KAT14: variants seen among roughly 807,000 people sequenced by gnomAD.
KAT14 encodes the protein lysine acetyltransferase 14.
A neutral mutation model predicts 78.4 loss-of-function variants in KAT14; 66 were observed. The observed-to-expected ratio is 0.84, with a 90% CI of 0.69 to 1.03. The LOEUF (loss-of-function observed/expected upper bound fraction) is 1.03, where lower values mean the gene tolerates loss of function less well. Among genes scored for constraint, KAT14 ranks in the 50% least tolerant of loss-of-function variants. The probability of loss-of-function intolerance (pLI) is 0.00; values close to 1 mark genes in which losing one functional copy is unlikely to be tolerated. For synonymous variants in KAT14, 344 were observed against 359.4 expected, an observed-to-expected ratio of 0.96 and a Z score of 0.48; for missense variants, 870 against 972.5, an observed-to-expected ratio of 0.89 and a Z score of 1.40.
intron 4 of KAT14, among the ~76,000 whole-genome samples, chr20:18,155,162 G>A (rs1026360878): frequency 1.3e-5 from 2 of 152,062 alleles, no homozygotes; most frequent in Non-Finnish European, 1.5e-5. Flanking sequence ...GAGATTATAG[G>A]CGTGAACCAC....
Position 18,137,902 on chromosome 20 carries a change from G to C in KAT14, c.-603G>C, listed in dbSNP as rs911345821. The C allele has an allele frequency of 6.9e-7, 1 of 1,444,636 alleles. No individual in the cohort carries two copies. The highest frequency in any genetic ancestry group is 1.4e-5 in the South Asian group (1 of 74,040). 89.5% of individuals were successfully genotyped at this position (1,444,636 alleles called of 1,614,324 possible). ...CAGGCGGCGGTGCGCACTCTGCGGC[G>C]GCCTCTGCGCCTCGGGCGGGCGGGA... On this transcript the variant is annotated 5_prime_UTR_variant, in exon 1 of 11. Coordinates refer to ENST00000688188, the MANE Select transcript of KAT14 (RefSeq NM_001392073.1).
intron 7 of KAT14, among the ~76,000 whole-genome samples, chr20:18,164,416 T>A (rs1409932469): frequency 6.6e-6 from 1 of 152,084 alleles, no homozygotes; most frequent in East Asian, 1.9e-4. Flanking sequence ...TTTAACCTCT[T>A]AAAGAGCCTC....
chr20:18,148,066 G>A (rs1334875202), intron 3 of KAT14, among the ~76,000 whole-genome samples: 2 of 152,152 alleles, frequency 1.3e-5, no homozygotes, highest in African/African-American at 4.8e-5. Flanking sequence ...ATCTCTCACT[G>A]AAGACCTGAA....
chr20:18,179,175 C>T (rs980778655), intron 7 of KAT14, among the ~76,000 whole-genome samples: 3 of 152,228 alleles, frequency 2.0e-5, no homozygotes, highest in Non-Finnish European at 4.4e-5. Context: ...GGTATAGCCC[C>T]CCTCCTGGCT....
rs200127310 is a variant in KAT14 at position 18,187,245 on chromosome 20, C to T, written c.2173-41C>T. ...CTTTACCTACTCATTTTCCCTCAGG[C>T]CTTTCCATTTTTATCTTGTATTTTT... On this transcript the variant is annotated intron_variant, in intron 10 of 10. Transcript: ENST00000688188. The T allele has an allele frequency of 1.2e-5, 19 of 1,561,722 alleles. No homozygotes were observed. In the East Asian group the frequency reaches 3.9e-4, roughly 32 times the overall value.
In KAT14 at chr20:18,184,744, A is replaced by C; in HGVS notation, c.2124A>C (p.Glu708Asp). ...TTTCATTTCTGTTCGTCCACCCTGA[A>C]TGGAGAAGAGCAGGGATTGCAACTT... ...AYISFLFVHP[E>D]WRRAGIATFM... The change falls in exon 10 of 11, where the codon GAA becomes GAC. Residue 708 changes from glutamate to aspartate, a missense_variant. Physicochemically the swap from Glu to Asp is conservative, Grantham distance 45. Coordinates refer to ENST00000688188, the MANE Select transcript of KAT14 (RefSeq NM_001392073.1). The C allele has an allele frequency of 1.2e-6, 2 of 1,613,124 alleles. No homozygotes were observed. The highest frequency in any genetic ancestry group is 2.2e-5 in the South Asian group (2 of 90,886).
intron 6 of KAT14, 25 bp downstream of exon 6, chr20:18,162,264 T>A (rs1235386920): frequency 1.2e-6 from 2 of 1,613,218 alleles, no homozygotes; most frequent in Middle Eastern, 1.7e-4. Context: ...GCTTTGCTCT[T>A]TTATTTTGGG....
At position 18,161,983 on chromosome 20, in the gene KAT14, T is replaced by C; in HGVS notation, c.843T>C (p.Leu281=). ...CCCAGAAGGAGGCCGCTGGCTTTCT[T>C]GACAGGAGCACATCTTCTACCCCTG... ...RRAQKEAAGF[L]DRSTSSTPVK... Residue 281 remains leucine (L), a synonymous_variant, in exon 6 of 11, where the codon CTT becomes CTC. Transcript: ENST00000688188. The C allele has an allele frequency of 6.2e-7, 1 of 1,614,264 alleles. No individual in the cohort carries two copies. The highest frequency in any genetic ancestry group is 2.2e-5 in the East Asian group (1 of 44,890).
At chr20:18,158,725 C>G (rs1310948861) in intron 4 of KAT14, among the ~76,000 whole-genome samples, 1 of 152,342 alleles carries the variant, frequency 6.6e-6, no homozygotes, top group Non-Finnish European at 1.5e-5. Context: ...GCTTAATTCA[C>G]ATAACAAAGC....
At chr20:18,152,122 A>G (rs1037848302) in intron 4 of KAT14, among the ~76,000 whole-genome samples, 9 of 152,178 alleles carry the variant, frequency 5.9e-5, no homozygotes, top group African/African-American at 1.9e-4. Context: ...GGATAAGTCA[A>G]TATTTCACTT....
At chr20:18,147,185 A>C (rs1056991376) in intron 3 of KAT14, among the ~76,000 whole-genome samples, 14 of 152,260 alleles carry the variant, frequency 9.2e-5, no homozygotes, top group Admixed American at 2.0e-4. Context: ...GTGCTTTATT[A>C]GGACAGCTGA....
chr20:18,180,806 T>A (rs1458855491), intron 7 of KAT14, among the ~76,000 whole-genome samples: 1 of 151,822 alleles, frequency 6.6e-6, no homozygotes, highest in African/African-American at 2.4e-5. Context: ...ACGAGAACAG[T>A]ATGGTGGAAA....
chr20:18,183,543 AT>A, intron 9 of KAT14: 1 of 984,922 alleles, frequency 1.0e-6, no homozygotes, highest in Non-Finnish European at 1.2e-6. Flanking sequence ...AGAGTAAAAG[AT>A]TCATCCTGTT....
At chr20:18,173,273 C>T (rs1334268978) in intron 7 of KAT14, among the ~76,000 whole-genome samples, 1 of 152,216 alleles carries the variant, frequency 6.6e-6, no homozygotes, top group Non-Finnish European at 1.5e-5. Flanking sequence ...ATTGAGCCTT[C>T]AGCAATTTTC....
At chr20:18,141,702 G>C (rs965084986) in intron 1 of KAT14, among the ~76,000 whole-genome samples, 3 of 152,214 alleles carry the variant, frequency 2.0e-5, no homozygotes, top group African/African-American at 7.2e-5. Context: ...TGGCTGACGT[G>C]GTGAAACCCC....
chr20:18,149,322 T>C (rs2037953174), intron 3 of KAT14, among the ~76,000 whole-genome samples: 1 of 152,262 alleles, frequency 6.6e-6, no homozygotes, highest in African/African-American at 2.4e-5. Context: ...AGAATTTTTT[T>C]ATCTTTACAA....
At chr20:18,187,246 C>G (rs1393413849) in intron 10 of KAT14, 40 bp from the exon 11 acceptor site, 2 of 1,561,892 alleles carry the variant, frequency 1.3e-6, no homozygotes, top group Non-Finnish European at 1.7e-6. Flanking sequence ...TCCCTCAGGC[C>G]TTTCCATTTT....
At chr20:18,157,909 A>C (rs1211021275) in intron 4 of KAT14, among the ~76,000 whole-genome samples, 1 of 152,188 alleles carries the variant, frequency 6.6e-6, no homozygotes, top group Non-Finnish European at 1.5e-5. Flanking sequence ...TTTGGAACCA[A>C]AAGCTTGGGG....
At chr20:18,141,023 A>ATTTTTTTTTTTTTTTTTTTT (rs67633205) in intron 1 of KAT14, among the ~76,000 whole-genome samples, 94 of 48,734 alleles carry the variant, frequency 1.9e-3, no homozygotes, top group Non-Finnish European at 2.4e-3. Context: ...ACTCCCTGCA[A>ATTTTTTTTTTTTTTTTTTTT]TTTTTTTTTT....
Sources: allele counts gnomAD v4.1 joint callset (sites outside exome capture counted in the v4.1 genomes callset), GRCh38; gene constraint gnomAD v4.1.1; transcripts MANE v1.5; gene names NCBI Gene and HGNC (gene_info 2026-07-23, HGNC 2026-07-21).